Variants in STK32B observed in about 807,000 individuals in gnomAD.
STK32B encodes serine/threonine-protein kinase 32B.
In STK32B, 43 loss-of-function variants were observed where a neutral mutation model predicts 52.6. That is an observed-to-expected ratio of 0.82 (90% CI 0.64 to 1.05). The LOEUF (loss-of-function observed/expected upper bound fraction) is 1.05, where lower values mean the gene tolerates loss of function less well. Ranked by LOEUF, STK32B falls within the 50% of genes least tolerant of loss-of-function variation. The pLI is 0.00. For synonymous variants in STK32B, 238 were observed against 204.3 expected (o/e 1.17, Z -1.41); for missense variants, 621 against 534.6 (o/e 1.16, Z -1.59).
intron 3 of STK32B, among the ~76,000 whole-genome samples, chr4:5,306,832 T>G (rs1423858330): frequency 6.6e-6 from 1 of 150,944 alleles, no homozygotes; most frequent in East Asian, 2.0e-4. Context: ...AATGCTGGCT[T>G]GGTAGTGGCA....
intron 7 of STK32B, among the ~76,000 whole-genome samples, chr4:5,454,246 T>C (rs1437803817): frequency 6.6e-6 from 1 of 152,170 alleles, no homozygotes; most frequent in Non-Finnish European, 1.5e-5. Context: ...GTTCATTACC[T>C]GTGATGGCCG....
At chr4:5,063,021 G>C (rs1742275282) in intron 1 of STK32B, among the ~76,000 whole-genome samples, 1 of 152,060 alleles carries the variant, frequency 6.6e-6, no homozygotes, top group Admixed American at 6.6e-5. Flanking sequence ...ACTGCTTCTA[G>C]TTTTTTACTA....
intron 1 of STK32B, among the ~76,000 whole-genome samples, chr4:5,132,182 C>T (rs1412260524): frequency 6.6e-6 from 1 of 152,184 alleles, no homozygotes; most frequent in Admixed American, 6.5e-5. Flanking sequence ...TGTTGATAGA[C>T]ATTTAGGTTG....
chr4:5,202,750 G>A (rs1722254208), intron 3 of STK32B, among the ~76,000 whole-genome samples: 1 of 152,332 alleles, frequency 6.6e-6, no homozygotes, highest in East Asian at 1.9e-4. Context: ...AAAGCTGCAT[G>A]GCAGCCCCAG....
intron 3 of STK32B, among the ~76,000 whole-genome samples, chr4:5,204,794 T>G (rs1722440389): frequency 6.6e-6 from 1 of 152,124 alleles, no homozygotes; most frequent in African/African-American, 2.4e-5. Context: ...CAAAATATAG[T>G]CTCAGCTCTG....
chr4:5,266,480 A>T (rs908456349), intron 3 of STK32B, among the ~76,000 whole-genome samples: 4 of 152,242 alleles, frequency 2.6e-5, no homozygotes, highest in Admixed American at 2.0e-4. Flanking sequence ...ACAGCTGGTT[A>T]ATTAAATTCA....
intron 4 of STK32B, among the ~76,000 whole-genome samples, chr4:5,355,534 C>T (rs1164368504): frequency 6.6e-6 from 1 of 152,176 alleles, no homozygotes; most frequent in Non-Finnish European, 1.5e-5. Context: ...ATTCTGAAGG[C>T]ACTGGCAGAA....
chr4:5,035,892 C>T, the STK32B span, among the ~76,000 whole-genome samples: 4 of 151,706 alleles, frequency 2.6e-5, no homozygotes, highest in African/African-American at 9.7e-5. Context: ...AGTGATTCTC[C>T]TGCCTCAGCC....
At chr4:5,354,635 A>G (rs1364239022) in intron 4 of STK32B, among the ~76,000 whole-genome samples, 2 of 152,224 alleles carry the variant, frequency 1.3e-5, no homozygotes, top group Admixed American at 6.5e-5. Flanking sequence ...TATATTGTAT[A>G]TTTCAAAGTA....
At chr4:5,359,411 C>G (rs1734404316) in intron 4 of STK32B, among the ~76,000 whole-genome samples, 1 of 149,906 alleles carries the variant, frequency 6.7e-6, no homozygotes. Flanking sequence ...CTCCCTCCCT[C>G]CATCCACCTG....
chr4:5,187,266 TCATG>T (rs1448504798), intron 3 of STK32B, among the ~76,000 whole-genome samples: 1 of 152,206 alleles, frequency 6.6e-6, no homozygotes, highest in Non-Finnish European at 1.5e-5. Flanking sequence ...TGACTGCTCT[TCATG>T]CTTTCCCAAG....
At chr4:5,445,795 C>G (rs553934455) in intron 6 of STK32B, among the ~76,000 whole-genome samples, 1 of 152,120 alleles carries the variant, frequency 6.6e-6, no homozygotes, top group South Asian at 2.1e-4. Context: ...AAAGGAAAAC[C>G]GGTACCCATG....
At chr4:5,208,541 G>C (rs1722717505) in intron 3 of STK32B, among the ~76,000 whole-genome samples, 1 of 152,150 alleles carries the variant, frequency 6.6e-6, no homozygotes, top group Non-Finnish European at 1.5e-5. Flanking sequence ...ACTTAGTCCT[G>C]GCAAAACTAA....
At chr4:5,137,954 G>T (rs1038850594) in intron 1 of STK32B, among the ~76,000 whole-genome samples, 1 of 152,162 alleles carries the variant, frequency 6.6e-6, no homozygotes, top group Admixed American at 6.5e-5. Context: ...TTGCTGATTT[G>T]AGGACCCGAC....
chr4:5,203,384 GCT>G, intron 3 of STK32B, among the ~76,000 whole-genome samples: 1 of 151,960 alleles, frequency 6.6e-6, no homozygotes, highest in Non-Finnish European at 1.5e-5. Context: ...CTCAAATGCA[GCT>G]CTTTCCCCTC....
chr4:5,174,200 C>T (rs1293393222), intron 3 of STK32B, among the ~76,000 whole-genome samples: 2 of 152,130 alleles, frequency 1.3e-5, no homozygotes, highest in Admixed American at 1.3e-4. Context: ...TGTGTCTCTG[C>T]ATGTGAGATG....
At chr4:5,367,276 T>C (rs539385932) in intron 4 of STK32B, among the ~76,000 whole-genome samples, 40 of 152,164 alleles carry the variant, frequency 2.6e-4, no homozygotes, top group African/African-American at 8.2e-4. Context: ...GGATAGTTCT[T>C]TATGCCTTTT....
At chr4:5,298,302 G>C (rs73089423) in intron 3 of STK32B, among the ~76,000 whole-genome samples, 1,866 of 152,290 alleles carry the variant, frequency 0.012, 35 homozygotes, top group African/African-American at 0.042. Context: ...CCTTAGGAGA[G>C]CTCAAGCACT....
chr4:5,334,720 A>G (rs1577361659), intron 4 of STK32B, among the ~76,000 whole-genome samples: 2 of 150,958 alleles, frequency 1.3e-5, no homozygotes, highest in African/African-American at 4.9e-5. Flanking sequence ...CCTTTTCTGC[A>G]TCTATTGAGA....
Sources: gnomAD v4.1 joint callset for allele counts (sites outside exome capture counted in the v4.1 genomes callset) on GRCh38, gnomAD v4.1.1 for gene constraint, MANE v1.5 for transcripts, NCBI Gene and HGNC (gene_info 2026-07-23, HGNC 2026-07-21) for gene names.